Variants in TBC1D19 observed in about 807,000 individuals in gnomAD.
The protein encoded by TBC1D19 is TBC1 domain family, member 19.
Under a neutral mutation model 89.0 loss-of-function variants are expected in TBC1D19, and 60 were observed. The ratio of observed to expected loss-of-function variants is 0.67; its 90% CI spans 0.55 to 0.84. The LOEUF is 0.84. TBC1D19 is among the 40% of genes least tolerant of loss of function. TBC1D19 has a pLI of 0.00. For synonymous variants in TBC1D19, 189 were observed against 199.7 expected (o/e 0.95, Z 0.45); for missense variants, 500 against 610.8 (o/e 0.82, Z 1.91).
At chr4:26,676,315 A>G (rs1225589230) in intron 11 of TBC1D19, among the ~76,000 whole-genome samples, 1 of 152,164 alleles carries the variant, frequency 6.6e-6, no homozygotes, top group East Asian at 1.9e-4. Context: ...CCTGATACTT[A>G]GAGAAAACAG....
chr4:26,684,486 G>A (rs896426395), intron 12 of TBC1D19, among the ~76,000 whole-genome samples: 6 of 152,250 alleles, frequency 3.9e-5, no homozygotes, highest in Admixed American at 6.5e-5. Flanking sequence ...CTGTGGTTGC[G>A]TGCTTGGTTC....
At chr4:26,701,656 T>C (rs999857981) in intron 13 of TBC1D19, among the ~76,000 whole-genome samples, 2 of 152,194 alleles carry the variant, frequency 1.3e-5, no homozygotes, top group African/African-American at 2.4e-5. Context: ...TATCGGGCTC[T>C]AGATTTCCTT....
upstream of TBC1D19, among the ~76,000 whole-genome samples, chr4:26,579,142 T>A (rs779758394): frequency 1.3e-5 from 2 of 152,216 alleles, no homozygotes; most frequent in Non-Finnish European, 2.9e-5. Context: ...TCTGTGTGAA[T>A]GGTCAGTAAT....
chr4:26,772,325 C>T, the TBC1D19 span, among the ~76,000 whole-genome samples: 1 of 152,146 alleles, frequency 6.6e-6, no homozygotes, highest in Non-Finnish European at 1.5e-5. Flanking sequence ...CAGAGCATTG[C>T]AGTCCCTGAA....
intron 1 of TBC1D19, among the ~76,000 whole-genome samples, chr4:26,595,979 G>C (rs1416777236): frequency 2.6e-5 from 4 of 151,990 alleles, no homozygotes; most frequent in Admixed American, 2.6e-4. Flanking sequence ...TTTTTTGAGA[G>C]AGAGTGTCAC....
chr4:26,732,919 C>A (rs1382574313), intron 15 of TBC1D19, among the ~76,000 whole-genome samples: 1 of 152,122 alleles, frequency 6.6e-6, no homozygotes, highest in Non-Finnish European at 1.5e-5. Context: ...ATGGCATCAG[C>A]CTCGTAGTGA....
chr4:26,607,494 A>G (rs1741086040), intron 1 of TBC1D19, among the ~76,000 whole-genome samples: 1 of 152,222 alleles, frequency 6.6e-6, no homozygotes, highest in Non-Finnish European at 1.5e-5. Flanking sequence ...ACTGCCATAC[A>G]GAGAGGTTAA....
At chr4:26,805,859 G>C in the TBC1D19 span, among the ~76,000 whole-genome samples, 1 of 152,198 alleles carries the variant, frequency 6.6e-6, no homozygotes, top group Non-Finnish European at 1.5e-5. Flanking sequence ...AAATTAGCCA[G>C]GAGTGCTGGC....
intron 12 of TBC1D19, among the ~76,000 whole-genome samples, chr4:26,685,284 G>A (rs1482424075): frequency 6.6e-6 from 1 of 152,210 alleles, no homozygotes; most frequent in African/African-American, 2.4e-5. Flanking sequence ...GGAAGCCCCA[G>A]TGCCAATGCC....
chr4:26,705,945 T>C (rs1284286394), intron 13 of TBC1D19, among the ~76,000 whole-genome samples: 1 of 152,118 alleles, frequency 6.6e-6, no homozygotes, highest in African/African-American at 2.4e-5. Flanking sequence ...TTGCCCAGGC[T>C]GGAGTACAGT....
At chr4:26,758,362 T>C (rs1237661389), downstream of TBC1D19, among the ~76,000 whole-genome samples, 1 of 152,208 alleles carries the variant, frequency 6.6e-6, no homozygotes, top group Non-Finnish European at 1.5e-5. Flanking sequence ...CTATAAAACA[T>C]AATTTCTCCT....
the TBC1D19 span, among the ~76,000 whole-genome samples, chr4:26,811,520 C>T: frequency 1.3e-5 from 2 of 152,108 alleles, no homozygotes; most frequent in East Asian, 1.9e-4. Context: ...ATAGTGTTAC[C>T]AGAAATCGGT....
intron 15 of TBC1D19, among the ~76,000 whole-genome samples, chr4:26,728,167 A>T (rs1717425475): frequency 6.6e-6 from 1 of 152,230 alleles, no homozygotes; most frequent in Admixed American, 6.5e-5. Context: ...GAAAATATTA[A>T]TAATGTCTTC....
rs1578020102 is a variant in TBC1D19 at position 26,752,286 on chromosome 4, C to T, written c.1436-1534C>T. ...TTGAGACGAGGTCTTGCTGTGTTAC[C>T]CAGGCTAGAGCACAGTGGCACAATC... On this transcript the variant is annotated intron_variant, in intron 19 of 20. Transcript: ENST00000264866. 3.4e-5 allele frequency among the ~76,000 whole-genome samples: 5 copies of T among 148,648 alleles called. No homozygotes were observed. In the South Asian group the frequency reaches 1.1e-3, roughly 32 times the overall value.
the TBC1D19 span, among the ~76,000 whole-genome samples, chr4:26,836,668 G>A: frequency 6.6e-6 from 1 of 152,206 alleles, no homozygotes; most frequent in African/African-American, 2.4e-5. Context: ...GAAGACTGCT[G>A]GAAGTTGCTG....
Position 26,742,564 on chromosome 4 carries a change from A to T in TBC1D19, c.1284A>T (p.Gln428His). The T allele has an allele frequency of 6.2e-7, 1 of 1,611,842 alleles. No individual in the cohort carries two copies. The highest frequency in any genetic ancestry group is 2.2e-5 in the East Asian group (1 of 44,720). ...CTCTTCTTCAAACTTATCTTCCCCA[A>T]CTCTTTTATCATCTACGAGAAATTG... ...FETLLQTYLPQLFYHLREIGA... is the reference protein window; with the variant it reads ...FETLLQTYLPHLFYHLREIGA... Residue 428 changes from glutamine (Q) to histidine (H), a missense_variant, in exon 18 of 21, where the codon CAA (glutamine) becomes CAT (histidine). Physicochemically the swap from Gln to His is conservative, Grantham distance 24. This residue lies in a region of TBC1D19 where 220 missense variants were observed against 319.1 expected (regional missense o/e 0.69). Transcript: ENST00000264866.
chr4:26,718,008 T>C lies in TBC1D19; in HGVS notation c.1030T>C (p.Tyr344His). The C allele has an allele frequency of 6.2e-7, 1 of 1,609,754 alleles. No individual in the cohort carries two copies. The highest frequency in any genetic ancestry group is 8.5e-7 in the Non-Finnish European group (1 of 1,177,360). The change falls in exon 14 of 21, where the codon TAC becomes CAC. Residue 344 changes from tyrosine (Y) to histidine (H), a missense_variant. Around this residue, in one of 2 missense-constraint regions of TBC1D19, gnomAD observed 220 missense variants for 319.1 expected, o/e 0.69. Coordinates refer to ENST00000264866, the MANE Select transcript of TBC1D19 (RefSeq NM_018317.4). ...AFNSASPPKSYIRGKLGLEEY... is the reference protein window; with the variant it reads ...AFNSASPPKSHIRGKLGLEEY... ...CAACAGTGCCTCGCCACCAAAATCA[T>C]ACATAAGAGGTAAATTTTTAATAAT...
chr4:26,666,929 T>C (rs771282164), intron 9 of TBC1D19, among the ~76,000 whole-genome samples: 2 of 151,950 alleles, frequency 1.3e-5, no homozygotes, highest in Non-Finnish European at 2.9e-5. Flanking sequence ...GGGAGCCCCG[T>C]ATTGTAGTGG....
chr4:26,761,542 A>T, the TBC1D19 span, among the ~76,000 whole-genome samples: 1 of 152,192 alleles, frequency 6.6e-6, no homozygotes. Context: ...GATATTTTAT[A>T]TTGACCTTGT....
Sources: allele counts gnomAD v4.1 joint callset (sites outside exome capture counted in the v4.1 genomes callset), GRCh38; gene constraint gnomAD v4.1.1; regional missense constraint gnomAD v4.1.1; transcripts MANE v1.5; gene names NCBI Gene and HGNC (gene_info 2026-07-23, HGNC 2026-07-21).